The following HELZ variants were observed in gnomAD, a reference collection of about 807,000 sequenced individuals.
HELZ encodes the protein helicase with zinc finger.
Under a neutral mutation model 218.2 loss-of-function variants are expected in HELZ, and 23 were observed. That is an observed-to-expected ratio of 0.11 (90% CI 0.08 to 0.15). HELZ has a LOEUF of 0.15. Ranked by LOEUF, HELZ falls within the 10% of genes least tolerant of loss-of-function variation. HELZ has a pLI of 1.00. For missense variants in HELZ, 1,813 were observed against 2,353.7 expected, an observed-to-expected ratio of 0.77 and a Z score of 4.75; for synonymous variants, 814 against 829.4, an observed-to-expected ratio of 0.98 and a Z score of 0.32.
At chr17:67,223,516 T>G (rs757940318) in intron 3 of HELZ, among the ~76,000 whole-genome samples, 11 of 152,108 alleles carry the variant, frequency 7.2e-5, no homozygotes, top group Non-Finnish European at 1.2e-4. Context: ...TTTGGGAGGC[T>G]GAGGCGGACA....
chr17:67,199,117 C>T (rs142956312), intron 7 of HELZ, among the ~76,000 whole-genome samples: 25 of 152,086 alleles, frequency 1.6e-4, no homozygotes, highest in African/African-American at 5.8e-4. Context: ...AAGTCTAAAA[C>T]ATCTACAACT....
intron 6 of HELZ, among the ~76,000 whole-genome samples, chr17:67,202,522 T>C (rs2040194474): frequency 1.3e-5 from 2 of 152,196 alleles, no homozygotes; most frequent in Non-Finnish European, 1.5e-5. Context: ...TCAAATGCTA[T>C]ATTTACAAAA....
intron 26 of HELZ, 120 bp from the exon 27 acceptor site, chr17:67,120,732 T>A: frequency 1.5e-6 from 1 of 658,440 alleles, no homozygotes; most frequent in African/African-American, 1.8e-5. Flanking sequence ...CACACACAGA[T>A]GTTAATTTTC....
intron 23 of HELZ, among the ~76,000 whole-genome samples, chr17:67,131,335 T>C (rs1180720664): frequency 6.6e-6 from 1 of 152,160 alleles, no homozygotes; most frequent in Non-Finnish European, 1.5e-5. Context: ...TTGACCGCAA[T>C]GAACAGAATT....
At chr17:67,235,519 G>A (rs1231755900) in intron 3 of HELZ, among the ~76,000 whole-genome samples, 1 of 147,676 alleles carries the variant, frequency 6.8e-6, no homozygotes, top group African/African-American at 2.6e-5. Flanking sequence ...AAAAAAAAAA[G>A]AGAGAGACAA....
intron 21 of HELZ, among the ~76,000 whole-genome samples, chr17:67,141,474 T>C (rs2143977158): frequency 6.6e-6 from 1 of 151,782 alleles, no homozygotes; most frequent in East Asian, 1.9e-4. Flanking sequence ...GAGTTTGTTA[T>C]ATATAGGTAT....
At chr17:67,146,268 G>A (rs530417198) in intron 20 of HELZ, among the ~76,000 whole-genome samples, 1 of 152,250 alleles carries the variant, frequency 6.6e-6, no homozygotes, top group South Asian at 2.1e-4. Context: ...ACAATAGACA[G>A]TACATATGAT....
intron 32 of HELZ, among the ~76,000 whole-genome samples, chr17:67,084,125 TAAAC>T (rs753299684): frequency 8.5e-5 from 13 of 152,332 alleles, no homozygotes; most frequent in Non-Finnish European, 1.5e-4. Flanking sequence ...AAAAAATTGA[TAAAC>T]AAGAAGTTGT....
chr17:67,243,175 A>G (rs2041372210), intron 2 of HELZ, among the ~76,000 whole-genome samples: 1 of 152,256 alleles, frequency 6.6e-6, no homozygotes, highest in Non-Finnish European at 1.5e-5. Flanking sequence ...ATAAATTCAC[A>G]CACCGTGTGT....
chr17:67,098,871 G>C (rs1346429512), intron 31 of HELZ, among the ~76,000 whole-genome samples: 1 of 152,182 alleles, frequency 6.6e-6, no homozygotes, highest in Admixed American at 6.5e-5. Flanking sequence ...TTTAAATCCA[G>C]AAAACTATAG....
chr17:67,181,009 C>T lies in HELZ; in HGVS notation c.1163-2083G>A, dbSNP rs868730771. ...CAGAGGATGCAGTGAGCCAAGATCGCGCCACTGCACTCCAGCCTGGCGACA... is the reference window on the plus strand; with the variant it reads ...CAGAGGATGCAGTGAGCCAAGATCGTGCCACTGCACTCCAGCCTGGCGACA... On this transcript the variant is annotated intron_variant, in intron 12 of 32. Transcript: ENST00000358691. Among the ~76,000 whole-genome samples the T allele has an allele frequency of 8.7e-4, 132 of 151,852 alleles. 1 individual carries two copies. Among genetic ancestry groups the T allele is most frequent in the Middle Eastern group, 3.4e-3 (1 of 294 alleles).
At chr17:67,080,642 A>G (rs2036160290) in intron 32 of HELZ, among the ~76,000 whole-genome samples, 2 of 152,222 alleles carry the variant, frequency 1.3e-5, no homozygotes, top group South Asian at 4.1e-4. Context: ...GAAAGTATAC[A>G]GTTGGTTAGA....
intron 32 of HELZ, among the ~76,000 whole-genome samples, chr17:67,080,025 T>C (rs2036139670): frequency 6.6e-6 from 1 of 151,170 alleles, no homozygotes; most frequent in African/African-American, 2.4e-5. Context: ...TTTTAGATTT[T>C]ACTAAGCAAA....
rs1040353147 is a variant in HELZ, at chr17:67,166,737, A to G, written c.1765-129T>C. ...AGAGATTCTTTTAAAGTATAATCAT[A>G]GTCTAATCATAATTATGATGAATAA... On this transcript the variant is annotated intron_variant, in intron 14 of 32. Coordinates refer to ENST00000358691, the MANE Select transcript of HELZ (RefSeq NM_014877.4). The G allele has an allele frequency of 8.7e-6, 6 of 688,216 alleles. No homozygotes were observed. The Admixed American group carries it at 1.4e-4, about 16-fold the overall frequency. The allele number at this position is 688,216 out of a possible 1,614,324, so 42.6% of individuals were successfully genotyped here.
At chr17:67,244,653 G>A (rs2041422880) in intron 1 of HELZ, 2 of 973,300 alleles carry the variant, frequency 2.1e-6, no homozygotes, top group African/African-American at 3.5e-5. Context: ...GCGCACGCCT[G>A]ACCCACTTTT....
At chr17:67,193,908 A>T (rs1269504615) in intron 9 of HELZ, 59 bp downstream of exon 9, 4 of 1,292,486 alleles carry the variant, frequency 3.1e-6, no homozygotes, top group Non-Finnish European at 3.3e-6. Flanking sequence ...AGATAAGGAA[A>T]ATTATCTGTC....
At chr17:67,185,618 A>G (rs1713009252) in intron 12 of HELZ, among the ~76,000 whole-genome samples, 1 of 152,152 alleles carries the variant, frequency 6.6e-6, no homozygotes, top group Non-Finnish European at 1.5e-5. Context: ...CCTTTCCCCA[A>G]CTTTCAAAAT....
At chr17:67,097,800 C>T (rs181798402) in intron 31 of HELZ, among the ~76,000 whole-genome samples, 72 of 152,294 alleles carry the variant, frequency 4.7e-4, no homozygotes, top group Admixed American at 1.8e-3. Context: ...TAAAAGTTTA[C>T]TCTTTGACCC....
chr17:67,211,039 T>C (rs116133231), intron 5 of HELZ, among the ~76,000 whole-genome samples: 1 of 152,242 alleles, frequency 6.6e-6, no homozygotes, highest in South Asian at 2.1e-4. Context: ...GTGACTTAAC[T>C]ACCTCACTTA....
Sources: gnomAD v4.1 joint callset for allele counts (sites outside exome capture counted in the v4.1 genomes callset) on GRCh38, gnomAD v4.1.1 for gene constraint, MANE v1.5 for transcripts, NCBI Gene and HGNC (gene_info 2026-07-23, HGNC 2026-07-21) for gene names.